Variants in SYN2 observed in about 807,000 individuals in gnomAD.
SYN2 encodes the protein synapsin II.
A neutral mutation model predicts 50.9 loss-of-function variants in SYN2; 19 were observed. That is an observed-to-expected ratio of 0.37 (90% confidence interval 0.26 to 0.55). The LOEUF (loss-of-function observed/expected upper bound fraction) is 0.55, where lower values mean the gene tolerates loss of function less well. Ranked by LOEUF, SYN2 falls within the 20% of genes least tolerant of loss-of-function variation. SYN2 has a pLI of 0.81. For missense variants in SYN2, 587 were observed against 576.4 expected (o/e 1.02, Z -0.19); for synonymous variants, 255 against 224.9 (o/e 1.13, Z -1.20).
chr3:12,093,135 C>T (rs1372294782), intron 1 of SYN2, among the ~76,000 whole-genome samples: 1 of 152,168 alleles, frequency 6.6e-6, no homozygotes, highest in Non-Finnish European at 1.5e-5. Context: ...TCTGTGATGC[C>T]ATTGTCCAGA....
intron 1 of SYN2, among the ~76,000 whole-genome samples, chr3:12,006,001 T>G (rs541501741): frequency 9.7e-4 from 147 of 152,134 alleles, no homozygotes; most frequent in Non-Finnish European, 1.7e-3. Flanking sequence ...GTTTTGTTTT[T>G]TTTTTTTTCT....
rs1310336307 is a variant in SYN2 at position 12,121,591 on chromosome 3, GGAAA to G, written c.378-19051_378-19048del. On this transcript the variant is annotated intron_variant, in intron 1 of 12. Transcript: ENST00000621198. ...TCCAGTGAAACAGAAACAATAAGAGGGAAAGAAAGAAAAGGAAGGAAGGGAGGAA... is the reference window on the plus strand; with the variant it reads ...TCCAGTGAAACAGAAACAATAAGAGGGAAAGAAAAGGAAGGAAGGGAGGAA... Among the ~76,000 whole-genome samples, 3 of 150,372 alleles carry G rather than the reference GGAAA, an allele frequency of 2.0e-5. No homozygotes were observed. The East Asian group carries it at 5.9e-4, about 30-fold the overall frequency.
chr3:12,148,083 C>T (rs1697194019), intron 4 of SYN2, among the ~76,000 whole-genome samples: 1 of 151,920 alleles, frequency 6.6e-6, no homozygotes, highest in Non-Finnish European at 1.5e-5. Flanking sequence ...CACTGTACTC[C>T]AGCCTGGGCG....
intron 1 of SYN2, among the ~76,000 whole-genome samples, chr3:12,040,623 G>A (rs1410176047): frequency 6.6e-6 from 1 of 151,734 alleles, no homozygotes; most frequent in Non-Finnish European, 1.5e-5. Context: ...TAGTAGAGAC[G>A]GGGTTTCACC....
intron 2 of SYN2, among the ~76,000 whole-genome samples, chr3:12,141,019 C>T (rs575241697): frequency 2.2e-4 from 34 of 152,092 alleles, no homozygotes; most frequent in Non-Finnish European, 4.7e-4. Context: ...AGAGGGCTTC[C>T]CAGAATATTG....
At chr3:12,067,859 G>C (rs1695253875) in intron 1 of SYN2, among the ~76,000 whole-genome samples, 1 of 152,176 alleles carries the variant, frequency 6.6e-6, no homozygotes, top group Admixed American at 6.5e-5. Flanking sequence ...CTAGGAGTTT[G>C]ATACCAGCAT....
At chr3:12,172,557 T>C (rs1467046728) in intron 10 of SYN2, among the ~76,000 whole-genome samples, 1 of 152,236 alleles carries the variant, frequency 6.6e-6, no homozygotes, top group East Asian at 1.9e-4. Context: ...GACTCATGAC[T>C]CATTCCCCTC....
intron 1 of SYN2, among the ~76,000 whole-genome samples, chr3:12,119,028 G>A (rs1200865163): frequency 1.3e-5 from 2 of 152,026 alleles, no homozygotes; most frequent in African/African-American, 4.8e-5. Context: ...TTGCACTTGT[G>A]GTTGATGCCA....
intron 1 of SYN2, among the ~76,000 whole-genome samples, chr3:12,125,233 C>T (rs1696645243): frequency 6.6e-6 from 1 of 151,918 alleles, no homozygotes; most frequent in South Asian, 2.1e-4. Context: ...AACTCCTGAC[C>T]TCGTGATCCA....
At chr3:12,055,226 A>G (rs1197320927) in intron 1 of SYN2, among the ~76,000 whole-genome samples, 1 of 152,156 alleles carries the variant, frequency 6.6e-6, no homozygotes, top group Non-Finnish European at 1.5e-5. Flanking sequence ...TAAAAAGATG[A>G]AAATCTTAAA....
chr3:12,074,195 T>C (rs1363943052), intron 1 of SYN2, among the ~76,000 whole-genome samples: 1 of 152,180 alleles, frequency 6.6e-6, no homozygotes, highest in African/African-American at 2.4e-5. Flanking sequence ...TCTATCCCTT[T>C]ACTTTCAGCC....
At chr3:12,138,517 G>A (rs1696948081) in intron 1 of SYN2, among the ~76,000 whole-genome samples, 1 of 152,178 alleles carries the variant, frequency 6.6e-6, no homozygotes, top group Admixed American at 6.5e-5. Flanking sequence ...GCACCTAGAT[G>A]TAAACTCTTA....
intron 9 of SYN2, among the ~76,000 whole-genome samples, chr3:12,168,721 A>G (rs1697868175): frequency 6.6e-6 from 1 of 152,194 alleles, no homozygotes; most frequent in Non-Finnish European, 1.5e-5. Context: ...TCTCTGTCTC[A>G]GAAAGCCACC....
chr3:12,169,131 C>G (rs1016238793), intron 9 of SYN2, among the ~76,000 whole-genome samples: 8 of 152,114 alleles, frequency 5.3e-5, no homozygotes, highest in African/African-American at 1.9e-4. Context: ...ATGGTCACAC[C>G]TCTCCTCGCT....
chr3:12,027,785 T>C (rs1210394793), intron 1 of SYN2, among the ~76,000 whole-genome samples: 1 of 152,150 alleles, frequency 6.6e-6, no homozygotes, highest in Non-Finnish European at 1.5e-5. Flanking sequence ...AATTCATGCC[T>C]CTGAGAGCAG....
At chr3:12,037,217 C>T (rs1167817280) in intron 1 of SYN2, among the ~76,000 whole-genome samples, 3 of 152,178 alleles carry the variant, frequency 2.0e-5, no homozygotes, top group Non-Finnish European at 2.9e-5. Flanking sequence ...CTTTTTCTGA[C>T]CCCTCACCAG....
At chr3:12,028,191 C>A (rs941218396) in intron 1 of SYN2, among the ~76,000 whole-genome samples, 3 of 151,638 alleles carry the variant, frequency 2.0e-5, no homozygotes, top group African/African-American at 7.3e-5. Flanking sequence ...CATGTCCCTA[C>A]AAAGGACATG....
At chr3:12,013,553 G>A (rs914670404) in intron 1 of SYN2, among the ~76,000 whole-genome samples, 2 of 152,006 alleles carry the variant, frequency 1.3e-5, no homozygotes, top group African/African-American at 2.4e-5. Flanking sequence ...GTTAAGAGTC[G>A]TTTGATCCAA....
intron 7 of SYN2, chr3:12,165,328 GAT>G (rs1697757441): frequency 6.6e-6 from 1 of 152,190 alleles, no homozygotes; most frequent in Non-Finnish European, 1.5e-5. Flanking sequence ...TCAAATGTAT[GAT>G]ATGGTGATGG....
Sources: allele counts gnomAD v4.1 joint callset (sites outside exome capture counted in the v4.1 genomes callset), GRCh38; gene constraint gnomAD v4.1.1; transcripts MANE v1.5; gene names NCBI Gene and HGNC (gene_info 2026-07-23, HGNC 2026-07-21).